Variants in AGBL4 observed in about 807,000 individuals in gnomAD.
AGBL4 encodes cytosolic carboxypeptidase 6.
AGBL4 carries 58 observed loss-of-function variants against 66.4 expected under a neutral mutation model. The ratio of observed to expected loss-of-function variants is 0.87; its 90% CI spans 0.71 to 1.09. AGBL4 has a LOEUF of 1.09. Among genes scored for constraint, AGBL4 ranks in the 50% least tolerant of loss-of-function variants. AGBL4 has a pLI of 0.00. For synonymous variants in AGBL4, 234 were observed against 222.9 expected, an observed-to-expected ratio of 1.05 and a Z score of -0.44; for missense variants, 579 against 631.0, an observed-to-expected ratio of 0.92 and a Z score of 0.88.
intron 2 of AGBL4, among the ~76,000 whole-genome samples, chr1:49,774,143 T>C (rs1644136534): frequency 6.6e-6 from 1 of 152,218 alleles, no homozygotes; most frequent in African/African-American, 2.4e-5. Flanking sequence ...GGAATGCACC[T>C]GTGTGTATTC....
chr1:48,694,662 A>T (rs1646687011), intron 6 of AGBL4, among the ~76,000 whole-genome samples: 1 of 152,120 alleles, frequency 6.6e-6, no homozygotes, highest in African/African-American at 2.4e-5. Flanking sequence ...ATGCTTAGGC[A>T]TTCATTCATC....
chr1:49,070,834 AGAATTTGGCTAT>A (rs1479405151), intron 4 of AGBL4, among the ~76,000 whole-genome samples: 2 of 151,980 alleles, frequency 1.3e-5, no homozygotes, highest in Non-Finnish European at 2.9e-5. Flanking sequence ...TGCCTCTGGC[AGAATTTGGCTAT>A]GAATTTGGCT....
At chr1:49,883,141 C>T (rs1244231889) in intron 1 of AGBL4, among the ~76,000 whole-genome samples, 1 of 152,110 alleles carries the variant, frequency 6.6e-6, no homozygotes, top group Non-Finnish European at 1.5e-5. Context: ...AATCATATCA[C>T]CAAATACATT....
chr1:49,282,659 T>C (rs915731746), intron 3 of AGBL4, among the ~76,000 whole-genome samples: 3 of 152,138 alleles, frequency 2.0e-5, no homozygotes, highest in Non-Finnish European at 4.4e-5. Flanking sequence ...GGTCAGTAGG[T>C]GCTCGCACCG....
intron 2 of AGBL4, among the ~76,000 whole-genome samples, chr1:49,823,306 T>G (rs1645415648): frequency 6.6e-6 from 1 of 152,170 alleles, no homozygotes; most frequent in African/African-American, 2.4e-5. Context: ...GTGTGAAAAT[T>G]GACCTAGTGG....
chr1:49,822,870 A>G (rs888363836), intron 2 of AGBL4, among the ~76,000 whole-genome samples: 2 of 152,150 alleles, frequency 1.3e-5, no homozygotes, highest in Admixed American at 1.3e-4. Flanking sequence ...ACACAAATAG[A>G]CTTCATTTCT....
At chr1:49,707,851 C>A (rs533867539) in intron 2 of AGBL4, among the ~76,000 whole-genome samples, 1 of 152,192 alleles carries the variant, frequency 6.6e-6, no homozygotes, top group East Asian at 1.9e-4. Flanking sequence ...GTTGAAAATT[C>A]TTTTCTTTAA....
chr1:49,982,741 A>C (rs1263731162), intron 1 of AGBL4, among the ~76,000 whole-genome samples: 1 of 151,948 alleles, frequency 6.6e-6, no homozygotes, highest in Non-Finnish European at 1.5e-5. Flanking sequence ...AAAACCCCAG[A>C]CTCAGACGTC....
At chr1:49,941,925 G>T (rs1654797681) in intron 1 of AGBL4, among the ~76,000 whole-genome samples, 1 of 151,862 alleles carries the variant, frequency 6.6e-6, no homozygotes, top group African/African-American at 2.4e-5. Flanking sequence ...ATCCAAAATG[G>T]AATGTAAGTA....
intron 2 of AGBL4, among the ~76,000 whole-genome samples, chr1:49,709,601 A>G (rs150146359): frequency 8.7e-4 from 133 of 152,366 alleles, no homozygotes; most frequent in African/African-American, 3.1e-3. Context: ...AAATTGATAA[A>G]TGGGATCTAA....
intron 6 of AGBL4, chr1:48,776,519 C>G: frequency 1.0e-6 from 1 of 1,000,802 alleles, no homozygotes; most frequent in Non-Finnish European, 1.4e-6. Flanking sequence ...GTGGCTCCCC[C>G]CGGTCCCCTC....
intron 4 of AGBL4, among the ~76,000 whole-genome samples, chr1:49,089,689 C>A (rs1644969443): frequency 6.6e-6 from 1 of 152,074 alleles, no homozygotes; most frequent in African/African-American, 2.4e-5. Flanking sequence ...GGTACAATTC[C>A]TACTGAAACT....
At position 49,543,673 on chromosome 1, in the gene AGBL4, T is replaced by A. The variant is rs1009217440; in HGVS notation, c.282+153640A>T. ...ATATGTATTAGCCTATAAAGGGCAT[T>A]AGATTGCTAATCTCCTTCAGGTTGC... On this transcript the variant is annotated intron_variant, in intron 3 of 13. Transcript: ENST00000371839. Among the ~76,000 whole-genome samples the A allele has an allele frequency of 2.0e-5, 3 of 152,190 alleles. No individual in the cohort carries two copies. The East Asian group carries it at 5.8e-4, about 29-fold the overall frequency.
At chr1:49,263,111 C>T (rs1398934817) in intron 3 of AGBL4, among the ~76,000 whole-genome samples, 1 of 149,368 alleles carries the variant, frequency 6.7e-6, no homozygotes, top group East Asian at 2.0e-4. Context: ...ACAATGAGAA[C>T]ACATGGACAC....
At chr1:49,620,398 C>T (rs907693145) in intron 3 of AGBL4, among the ~76,000 whole-genome samples, 6 of 152,090 alleles carry the variant, frequency 3.9e-5, no homozygotes, top group Non-Finnish European at 8.8e-5. Context: ...TACAGAAATA[C>T]ATATCAAAAG....
At chr1:48,772,484 G>C (rs1205492392) in intron 6 of AGBL4, among the ~76,000 whole-genome samples, 1 of 152,164 alleles carries the variant, frequency 6.6e-6, no homozygotes, top group Non-Finnish European at 1.5e-5. Flanking sequence ...AGGAGTGCGA[G>C]AGAGTGTGTT....
intron 3 of AGBL4, among the ~76,000 whole-genome samples, chr1:49,530,240 T>C (rs1417054272): frequency 4.5e-5 from 5 of 111,586 alleles, no homozygotes; most frequent in Non-Finnish European, 9.2e-5. Context: ...TCCACAGCTA[T>C]GTTTTCAAGT....
rs79857167 is a variant in AGBL4 at position 49,924,496 on chromosome 1, GATTTATTTATTT to G, written c.35-72990_35-72979del. Reference sequence around the variant, plus strand: ...AATATAAAATAAAAAGTTTTATTTGGATTTATTTATTTATTTATTTATTTATTTGATTGATTA... The same window carrying G: ...AATATAAAATAAAAAGTTTTATTTGGATTTATTTATTTATTTGATTGATTA... On this transcript the variant is annotated intron_variant, in intron 1 of 13. Transcript: ENST00000371839. Among the ~76,000 whole-genome samples the G allele has an allele frequency of 1.1e-3, 170 of 151,828 alleles. 1 individual carries two copies. Among genetic ancestry groups the G allele is most frequent in the African/African-American group, 3.9e-3 (161 of 41,408 alleles).
chr1:49,528,864 C>T (rs529483934), intron 3 of AGBL4, among the ~76,000 whole-genome samples: 2 of 151,926 alleles, frequency 1.3e-5, no homozygotes, highest in Admixed American at 6.6e-5. Context: ...TAGTTCTTTA[C>T]GGTTGGAGCT....
Sources: allele counts gnomAD v4.1 joint callset (sites outside exome capture counted in the v4.1 genomes callset), GRCh38; gene constraint gnomAD v4.1.1; transcripts MANE v1.5; gene names NCBI Gene and HGNC (gene_info 2026-07-23, HGNC 2026-07-21).